Variants in PIP5K1B observed in about 807,000 individuals in gnomAD.
The protein encoded by PIP5K1B is phosphatidylinositol-4-phosphate 5-kinase type 1 beta.
A neutral mutation model predicts 67.0 loss-of-function variants in PIP5K1B; 42 were observed. The ratio of observed to expected loss-of-function variants is 0.63; its 90% CI spans 0.49 to 0.81. The LOEUF is 0.81. Among genes scored for constraint, PIP5K1B ranks in the 30% least tolerant of loss-of-function variants. The pLI, the probability that PIP5K1B is intolerant of heterozygous loss-of-function variation, is 0.00. For synonymous variants in PIP5K1B, 214 were observed against 231.4 expected, an observed-to-expected ratio of 0.92 and a Z score of 0.68; for missense variants, 459 against 646.3, an observed-to-expected ratio of 0.71 and a Z score of 3.14.
intron 2 of PIP5K1B, among the ~76,000 whole-genome samples, chr9:68,748,740 G>A: frequency 6.7e-6 from 1 of 148,810 alleles, no homozygotes. Flanking sequence ...TCCTGCCCCA[G>A]CCTCCTGAGT....
At chr9:68,839,877 C>T (rs1182767925) in intron 4 of PIP5K1B, among the ~76,000 whole-genome samples, 1 of 152,138 alleles carries the variant, frequency 6.6e-6, no homozygotes, top group Non-Finnish European at 1.5e-5. Flanking sequence ...CCCAGATGGC[C>T]AAGTGTGTAC....
intron 2 of PIP5K1B, chr9:68,780,384 C>T (rs372445008): frequency 1.2e-6 from 2 of 1,613,382 alleles, no homozygotes; most frequent in Admixed American, 1.7e-5. Context: ...CCTGCTGCTG[C>T]CGGCCTCCCC....
Position 68,981,890 on chromosome 9 carries a change from C to T in PIP5K1B, c.1503-9250C>T, listed in dbSNP as rs575937009. On this transcript the variant is annotated intron_variant, in intron 14 of 15. Coordinates refer to ENST00000265382, the MANE Select transcript of PIP5K1B (RefSeq NM_003558.4). ...GAGAGACAGCCAGGAAGAAAAATCGCTCCTCCTGTACTGCTCTCACCTGTG... is the reference window on the plus strand; with the variant it reads ...GAGAGACAGCCAGGAAGAAAAATCGTTCCTCCTGTACTGCTCTCACCTGTG... Among the ~76,000 whole-genome samples the T allele has an allele frequency of 1.6e-4, 25 of 152,242 alleles. No individual in the cohort carries two copies. In the South Asian group the frequency reaches 5.2e-3, roughly 32 times the overall value.
rs368093468 is a variant in PIP5K1B, at chr9:68,814,632, A to G, written c.-85-3829A>G. On this transcript the variant is annotated intron_variant, in intron 2 of 15. Coordinates refer to ENST00000265382, the MANE Select transcript of PIP5K1B (RefSeq NM_003558.4). ...GGAGTTTGAGACAAGCCTGGGCAAC[A>G]TAGTGTGAGACCCCATCTCTACAAA... Among the ~76,000 whole-genome samples, 9 of 152,246 alleles carry G rather than the reference A, an allele frequency of 5.9e-5. No homozygotes were observed. In the East Asian group the frequency reaches 1.7e-3, roughly 29 times the overall value.
At chr9:68,873,204 T>C (rs1165093938) in intron 5 of PIP5K1B, among the ~76,000 whole-genome samples, 4 of 151,976 alleles carry the variant, frequency 2.6e-5, no homozygotes, top group Non-Finnish European at 4.4e-5. Flanking sequence ...AAGCATCTTA[T>C]GTTTGAGTCA....
At chr9:68,810,385 A>G (rs1368800708) in intron 2 of PIP5K1B, among the ~76,000 whole-genome samples, 7 of 152,038 alleles carry the variant, frequency 4.6e-5, no homozygotes, top group Admixed American at 2.6e-4. Context: ...AGAGATGGAC[A>G]TGAAACCCAG....
chr9:68,717,473 A>C (rs1454334213), intron 1 of PIP5K1B, among the ~76,000 whole-genome samples: 1 of 152,190 alleles, frequency 6.6e-6, no homozygotes, highest in Non-Finnish European at 1.5e-5. Flanking sequence ...GTGGTTCATA[A>C]ACAAAAACAG....
chr9:68,969,308 C>G (rs1829222473), intron 14 of PIP5K1B, among the ~76,000 whole-genome samples: 1 of 142,480 alleles, frequency 7.0e-6, no homozygotes, highest in African/African-American at 2.6e-5. Context: ...CCGGGGCTTG[C>G]AGTGAGCCGA....
chr9:68,723,705 T>G (rs1373505707), intron 1 of PIP5K1B, among the ~76,000 whole-genome samples: 2 of 148,248 alleles, frequency 1.3e-5, no homozygotes, highest in African/African-American at 2.5e-5. Flanking sequence ...GTTTTTTTTT[T>G]TTTTTTTTTT....
chr9:68,746,854 C>A (rs1470049295), intron 2 of PIP5K1B, among the ~76,000 whole-genome samples: 1 of 152,144 alleles, frequency 6.6e-6, no homozygotes, highest in Non-Finnish European at 1.5e-5. Flanking sequence ...AAGAGAAATT[C>A]TCTTCAAGAT....
intron 13 of PIP5K1B, 62 bp downstream of exon 13, chr9:68,935,107 T>A: frequency 1.4e-6 from 2 of 1,418,378 alleles, no homozygotes; most frequent in South Asian, 2.5e-5. Flanking sequence ...TACAAGTAAA[T>A]TTGCAGAAGA....
intron 2 of PIP5K1B, among the ~76,000 whole-genome samples, chr9:68,798,980 A>T (rs1832443209): frequency 6.6e-6 from 1 of 152,234 alleles, no homozygotes; most frequent in Admixed American, 6.5e-5. Context: ...TTTGTAAATG[A>T]AGTTTACTGA....
Position 68,754,152 on chromosome 9 carries a change from T to C in PIP5K1B, c.-86+11495T>C, listed in dbSNP as rs1202568725. Reference sequence around the variant, plus strand: ...TGGTGAATCATTTTATTAATTTAAGTCTTCTTTTATGTTCCATGATTTCTT... The same window carrying C: ...TGGTGAATCATTTTATTAATTTAAGCCTTCTTTTATGTTCCATGATTTCTT... On this transcript the variant is annotated intron_variant, in intron 2 of 15. Transcript: ENST00000265382. 2.7e-5 allele frequency among the ~76,000 whole-genome samples: 4 copies of C among 147,502 alleles called. No individual in the cohort carries two copies. In the South Asian group the frequency reaches 8.6e-4, roughly 32 times the overall value.
At chr9:68,764,130 T>C (rs562008007) in intron 2 of PIP5K1B, among the ~76,000 whole-genome samples, 1 of 147,364 alleles carries the variant, frequency 6.8e-6, no homozygotes, top group Admixed American at 6.9e-5. Context: ...CAGCATGCTT[T>C]CAGGAGATGT....
chr9:68,721,107 G>A (rs952237313), intron 1 of PIP5K1B, among the ~76,000 whole-genome samples: 14 of 152,134 alleles, frequency 9.2e-5, no homozygotes, highest in East Asian at 1.9e-4. Flanking sequence ...GAGGTGTATC[G>A]GGCCAGACCA....
chr9:68,961,878 TAGA>T (rs1047402110), intron 14 of PIP5K1B, among the ~76,000 whole-genome samples: 1 of 152,150 alleles, frequency 6.6e-6, no homozygotes, highest in South Asian at 2.1e-4. Context: ...TGCATGTTGG[TAGA>T]AGTTTTGGGA....
At chr9:68,931,122 A>C (rs1402453566) in intron 12 of PIP5K1B, among the ~76,000 whole-genome samples, 1 of 152,108 alleles carries the variant, frequency 6.6e-6, no homozygotes, top group Admixed American at 6.6e-5. Flanking sequence ...CCCACCCACA[A>C]GTGAGTCATG....
chr9:68,996,809 G>A (rs1830618926), intron 15 of PIP5K1B, among the ~76,000 whole-genome samples: 2 of 152,176 alleles, frequency 1.3e-5, no homozygotes, highest in Admixed American at 6.5e-5. Context: ...GGGAGATAAT[G>A]GGATTGCTTT....
chr9:68,805,840 T>G (rs2132003281), intron 2 of PIP5K1B, among the ~76,000 whole-genome samples: 1 of 152,338 alleles, frequency 6.6e-6, no homozygotes, highest in East Asian at 1.9e-4. Context: ...CTCAAGTGAA[T>G]GCTGAATGGA....
Sources: allele counts gnomAD v4.1 joint callset (sites outside exome capture counted in the v4.1 genomes callset), GRCh38; gene constraint gnomAD v4.1.1; transcripts MANE v1.5; gene names NCBI Gene and HGNC (gene_info 2026-07-23, HGNC 2026-07-21).